The following NRXN3 variants were observed in gnomAD, a reference collection of about 807,000 sequenced individuals.
NRXN3 encodes the protein neurexin 3.
NRXN3 carries 32 observed loss-of-function variants against 137.6 expected under a neutral mutation model. That is an observed-to-expected ratio of 0.23 (90% CI 0.18 to 0.31). The LOEUF (loss-of-function observed/expected upper bound fraction) is 0.31. Among genes scored for constraint, NRXN3 ranks in the 10% least tolerant of loss-of-function variants. The pLI is 1.00. For missense variants in NRXN3, 1,574 were observed against 2,062.5 expected (o/e 0.76, Z 4.59); for synonymous variants, 798 against 784.5 (o/e 1.02, Z -0.29).
intron 6 of NRXN3, among the ~76,000 whole-genome samples, chr14:78,682,221 A>C (rs1054707239): frequency 1.3e-5 from 2 of 152,066 alleles, no homozygotes; most frequent in African/African-American, 4.8e-5. Context: ...TGGATTTGCC[A>C]AAACAAATCT....
intron 15 of NRXN3, among the ~76,000 whole-genome samples, chr14:79,212,601 G>A (rs1386905118): frequency 6.6e-6 from 1 of 152,118 alleles, no homozygotes; most frequent in Non-Finnish European, 1.5e-5. Flanking sequence ...TGTTTTAAAT[G>A]AGGCAGTTCT....
chr14:79,673,880 A>G (rs2098626212), intron 17 of NRXN3, among the ~76,000 whole-genome samples: 1 of 152,058 alleles, frequency 6.6e-6, no homozygotes, highest in African/African-American at 2.4e-5. Context: ...TATTACTGTT[A>G]TCATTTCACA....
chr14:78,252,901 C>T (rs974600725), intron 2 of NRXN3, among the ~76,000 whole-genome samples: 1 of 152,222 alleles, frequency 6.6e-6, no homozygotes, highest in Non-Finnish European at 1.5e-5. Context: ...CTTTGTGATC[C>T]ACATCATGGG....
At position 78,835,202 on chromosome 14, in the gene NRXN3, C is replaced by T. The variant is rs146769829; in HGVS notation, c.2275+24858C>T. The stretch of plus-strand genomic sequence containing the variant: ...AAGCAGGAGTAGAGAATAGCGGTGG[C>T]GGACAATCAGTTAAGATGGTTCCAA... On this transcript the variant is annotated intron_variant, in intron 10 of 20. Coordinates refer to ENST00000335750, the MANE Select transcript of NRXN3 (RefSeq NM_001330195.2). Among the ~76,000 whole-genome samples, 509 of 152,188 alleles carry T rather than the reference C, an allele frequency of 3.3e-3. 3 individuals are homozygous for T. Among genetic ancestry groups the T allele is most frequent in the African/African-American group, 0.012 (480 of 41,512 alleles).
chr14:79,418,884 C>T (rs1260897528), intron 15 of NRXN3, among the ~76,000 whole-genome samples: 1 of 152,100 alleles, frequency 6.6e-6, no homozygotes, highest in African/African-American at 2.4e-5. Flanking sequence ...GAGAGTCATC[C>T]CAGGCCTATT....
chr14:78,782,489 A>G (rs981547274), intron 8 of NRXN3, among the ~76,000 whole-genome samples: 2 of 152,228 alleles, frequency 1.3e-5, no homozygotes, highest in African/African-American at 4.8e-5. Flanking sequence ...GCTTTTGCCG[A>G]AAGCTTTTTG....
rs57469863 is a variant in NRXN3 at position 78,234,994 on chromosome 14, T to TTATATATA, written c.-703-7375_-703-7368dup. On this transcript the variant is annotated intron_variant, in intron 1 of 20. Coordinates refer to ENST00000335750, the MANE Select transcript of NRXN3 (RefSeq NM_001330195.2). ...GATTATCTGGCAGCCACAAATGCTT[T>TTATATATA]TATATATATATATATATATATATAT... Among the ~76,000 whole-genome samples the TTATATATA allele has an allele frequency of 4.7e-3, 507 of 108,750 alleles. 6 individuals are homozygous for TTATATATA. The highest frequency in any genetic ancestry group is 7.3e-3 in the African/African-American group (224 of 30,478). 71.3% of individuals were successfully genotyped at this position (108,750 alleles called of 152,430 possible).
intron 15 of NRXN3, among the ~76,000 whole-genome samples, chr14:79,326,761 ATGGCCCT>A (rs2090937629): frequency 1.3e-5 from 2 of 152,212 alleles, no homozygotes; most frequent in Admixed American, 1.3e-4. Context: ...ACTCTGCCAG[ATGGCCCT>A]TATTTACCAA....
chr14:79,718,267 C>T (rs751838749), intron 19 of NRXN3, among the ~76,000 whole-genome samples: 2 of 152,034 alleles, frequency 1.3e-5, no homozygotes, highest in Admixed American at 1.3e-4. Context: ...GTGTAAAGGC[C>T]TTTAGGCTGG....
chr14:79,767,408 A>T (rs1477126576), intron 19 of NRXN3, among the ~76,000 whole-genome samples: 1 of 152,194 alleles, frequency 6.6e-6, no homozygotes, highest in Non-Finnish European at 1.5e-5. Flanking sequence ...TACTCAGAGA[A>T]ATCTTCCCTG....
chr14:79,767,484 A>G (rs976047318), intron 19 of NRXN3, among the ~76,000 whole-genome samples: 2 of 152,158 alleles, frequency 1.3e-5, no homozygotes, highest in African/African-American at 4.8e-5. Flanking sequence ...TCTCTTTTAC[A>G]GTGCTATAAA....
rs189729545 is a variant in NRXN3, at chr14:78,924,204, G to A, written c.2276-33038G>A. 2.0e-5 allele frequency among the ~76,000 whole-genome samples: 3 copies of A among 152,322 alleles called. No individual in the cohort carries two copies. The East Asian group carries it at 5.8e-4, about 29-fold the overall frequency. ...GTGGAGGTTGCAGTGAGCCGAGATCGTGCCATTGCACTCCAGCCTGGGCAC... is the reference window on the plus strand; with the variant it reads ...GTGGAGGTTGCAGTGAGCCGAGATCATGCCATTGCACTCCAGCCTGGGCAC... On this transcript the variant is annotated intron_variant, in intron 10 of 20. Coordinates refer to ENST00000335750, the MANE Select transcript of NRXN3 (RefSeq NM_001330195.2).
At chr14:78,194,167 A>G (rs1027097561) in intron 1 of NRXN3, among the ~76,000 whole-genome samples, 1 of 152,226 alleles carries the variant, frequency 6.6e-6, no homozygotes, top group Non-Finnish European at 1.5e-5. Flanking sequence ...GCTGAGCACA[A>G]TCATGAGAAA....
At chr14:78,680,054 A>G (rs1377695607) in intron 6 of NRXN3, among the ~76,000 whole-genome samples, 1 of 152,132 alleles carries the variant, frequency 6.6e-6, no homozygotes, top group Non-Finnish European at 1.5e-5. Context: ...ATATAATTAC[A>G]TATTTTATAT....
intron 10 of NRXN3, among the ~76,000 whole-genome samples, chr14:78,954,909 C>T (rs911289585): frequency 6.6e-6 from 1 of 151,928 alleles, no homozygotes; most frequent in Non-Finnish European, 1.5e-5. Flanking sequence ...GCTGATGGAC[C>T]TCCAAACGTT....
chr14:79,069,294 G>A (rs1363459277), intron 15 of NRXN3, among the ~76,000 whole-genome samples: 1 of 151,978 alleles, frequency 6.6e-6, no homozygotes, highest in African/African-American at 2.4e-5. Flanking sequence ...CTCCACCTTT[G>A]CTCAAATTGG....
intron 15 of NRXN3, among the ~76,000 whole-genome samples, chr14:79,217,143 A>AAGAG (rs2068664819): frequency 1.4e-5 from 2 of 147,390 alleles, no homozygotes; most frequent in South Asian, 4.4e-4. Flanking sequence ...TCTCAAAAAA[A>AAGAG]AGAAAGAAAG....
Position 78,953,573 on chromosome 14 carries a change from T to C in NRXN3, c.2276-3669T>C, listed in dbSNP as rs564504523. Among the ~76,000 whole-genome samples the C allele has an allele frequency of 3.3e-5, 5 of 152,348 alleles. No individual in the cohort carries two copies. In the South Asian group the frequency reaches 1.0e-3, roughly 32 times the overall value. Reference sequence around the variant, plus strand: ...TCATTAAAGGCTCTCTGTTCTACAATAGTAAACAATTAAACACTCTATTTT... The same window carrying C: ...TCATTAAAGGCTCTCTGTTCTACAACAGTAAACAATTAAACACTCTATTTT... On this transcript the variant is annotated intron_variant, in intron 10 of 20. Coordinates refer to ENST00000335750, the MANE Select transcript of NRXN3 (RefSeq NM_001330195.2).
chr14:79,773,991 G>T (rs1480440834), intron 19 of NRXN3, among the ~76,000 whole-genome samples: 2 of 151,990 alleles, frequency 1.3e-5, no homozygotes, highest in African/African-American at 4.8e-5. Flanking sequence ...CTTTATATGT[G>T]TCCCACTCTT....
Sources: allele counts gnomAD v4.1 joint callset (sites outside exome capture counted in the v4.1 genomes callset), GRCh38; gene constraint gnomAD v4.1.1; transcripts MANE v1.5; gene names NCBI Gene and HGNC (gene_info 2026-07-23, HGNC 2026-07-21).